Variants in METTL15 observed in about 807,000 individuals in gnomAD.
METTL15 encodes 12S rRNA N(4)-cytidine methyltransferase METTL15.
A neutral mutation model predicts 38.3 loss-of-function variants in METTL15; 34 were observed. The observed-to-expected ratio is 0.89, with a 90% CI of 0.68 to 1.18. The LOEUF is 1.18. METTL15 is among the 50% of genes most tolerant of loss of function. The probability of loss-of-function intolerance (pLI) is 0.00; values close to 1 mark genes in which losing one functional copy is unlikely to be tolerated. For missense variants in METTL15, 438 were observed against 498.4 expected, an observed-to-expected ratio of 0.88 and a Z score of 1.15; for synonymous variants, 162 against 170.9, an observed-to-expected ratio of 0.95 and a Z score of 0.41.
intron 6 of METTL15, among the ~76,000 whole-genome samples, chr11:28,512,498 G>A (rs574135497): frequency 7.9e-5 from 12 of 152,324 alleles, no homozygotes; most frequent in South Asian, 6.2e-4. Context: ...GCTAAGGCCC[G>A]GTGAGAAATC....
chr11:28,155,867 G>GT (rs1850245524), intron 3 of METTL15, among the ~76,000 whole-genome samples: 1 of 152,096 alleles, frequency 6.6e-6, no homozygotes, highest in Non-Finnish European at 1.5e-5. Context: ...TTTTTAAAAG[G>GT]TTTTTTACTA....
chr11:28,342,020 G>C (rs535917840), intron 3 of METTL15, among the ~76,000 whole-genome samples: 1 of 152,166 alleles, frequency 6.6e-6, no homozygotes, highest in African/African-American at 2.4e-5. Flanking sequence ...GAGAAAAGGG[G>C]ATTTCTTGGG....
chr11:28,201,433 T>C (rs1375393802), intron 3 of METTL15, among the ~76,000 whole-genome samples: 1 of 152,134 alleles, frequency 6.6e-6, no homozygotes, highest in Non-Finnish European at 1.5e-5. Context: ...TTTCAATTGT[T>C]TATAATAGTT....
intron 3 of METTL15, among the ~76,000 whole-genome samples, chr11:28,345,404 G>A (rs1441914004): frequency 6.6e-6 from 1 of 152,104 alleles, no homozygotes; most frequent in Non-Finnish European, 1.5e-5. Flanking sequence ...TAGCCAGGCT[G>A]GTCTTGAACT....
intron 3 of METTL15, among the ~76,000 whole-genome samples, chr11:28,189,160 A>G (rs1208759125): frequency 6.6e-6 from 1 of 151,334 alleles, no homozygotes; most frequent in Non-Finnish European, 1.5e-5. Context: ...AGAAGCCCAC[A>G]GGAAATATTA....
chr11:28,245,491 G>GA (rs918652994), intron 4 of METTL15, among the ~76,000 whole-genome samples: 3 of 150,162 alleles, frequency 2.0e-5, no homozygotes, highest in Non-Finnish European at 3.0e-5. Context: ...TAGTGATCAT[G>GA]AAAAAAAAAG....
chr11:28,280,667 CTTT>C (rs61571700), intron 4 of METTL15, among the ~76,000 whole-genome samples: 2 of 135,318 alleles, frequency 1.5e-5, no homozygotes, highest in East Asian at 2.2e-4. Flanking sequence ...GTCTCTTATG[CTTT>C]TTTTTTTTTT....
chr11:28,526,197 G>A (rs950473428), intron 6 of METTL15, among the ~76,000 whole-genome samples: 17 of 152,308 alleles, frequency 1.1e-4, no homozygotes, highest in Admixed American at 6.5e-5. Flanking sequence ...TGAGGGAGCC[G>A]GCTTCAGCCT....
chr11:28,488,415 T>C (rs994588764), intron 6 of METTL15, among the ~76,000 whole-genome samples: 35 of 152,110 alleles, frequency 2.3e-4, no homozygotes, highest in African/African-American at 8.2e-4. Context: ...ATAATAAGAG[T>C]GTTGTGCTGT....
chr11:28,140,136 G>C (rs532449676), intron 3 of METTL15, among the ~76,000 whole-genome samples: 1 of 152,196 alleles, frequency 6.6e-6, no homozygotes, highest in Non-Finnish European at 1.5e-5. Flanking sequence ...GTGGCCCTTG[G>C]GGTGGGGGTG....
chr11:28,391,345 A>C (rs1850504556), intron 5 of METTL15, among the ~76,000 whole-genome samples: 1 of 152,092 alleles, frequency 6.6e-6, no homozygotes, highest in Non-Finnish European at 1.5e-5. Flanking sequence ...TTGCCCATTC[A>C]GTATGATATT....
At chr11:28,425,108 C>T (rs1434138526) in intron 6 of METTL15, among the ~76,000 whole-genome samples, 2 of 152,288 alleles carry the variant, frequency 1.3e-5, no homozygotes, top group East Asian at 3.9e-4. Context: ...TAGTTCCTAT[C>T]AGAAGACTGA....
chr11:28,501,969 C>G (rs930136841), intron 6 of METTL15, among the ~76,000 whole-genome samples: 1 of 152,034 alleles, frequency 6.6e-6, no homozygotes, highest in African/African-American at 2.4e-5. Context: ...GGCGTGGTGG[C>G]GGGCGCCTGT....
At chr11:28,162,263 G>GTAACAAGAAAC (rs1425479176) in intron 3 of METTL15, among the ~76,000 whole-genome samples, 2 of 152,052 alleles carry the variant, frequency 1.3e-5, no homozygotes, top group Non-Finnish European at 2.9e-5. Context: ...GGAGGCAACT[G>GTAACAAGAAAC]TAACAAGAAA....
At chr11:28,237,193 G>C (rs1854031420) in intron 4 of METTL15, among the ~76,000 whole-genome samples, 1 of 152,190 alleles carries the variant, frequency 6.6e-6, no homozygotes, top group Admixed American at 6.5e-5. Flanking sequence ...ATCCTGCAGA[G>C]TGTTTTCCAA....
chr11:28,516,487 T>A (rs925270320), intron 6 of METTL15, among the ~76,000 whole-genome samples: 7 of 152,162 alleles, frequency 4.6e-5, no homozygotes, highest in Non-Finnish European at 8.8e-5. Context: ...AACTTGCCTA[T>A]CAGGTCTTTG....
At chr11:28,417,555 C>T (rs1205660644) in intron 5 of METTL15, among the ~76,000 whole-genome samples, 1 of 152,184 alleles carries the variant, frequency 6.6e-6, no homozygotes, top group Non-Finnish European at 1.5e-5. Context: ...TGTCAATGCA[C>T]ATGCTAACAT....
At chr11:28,249,673 A>G (rs1854654921) in intron 4 of METTL15, among the ~76,000 whole-genome samples, 1 of 151,936 alleles carries the variant, frequency 6.6e-6, no homozygotes, top group Non-Finnish European at 1.5e-5. Context: ...ACCCTATTAC[A>G]CAGATAATGC....
intron 3 of METTL15, among the ~76,000 whole-genome samples, chr11:28,128,801 C>A (rs1287923211): frequency 6.6e-6 from 1 of 151,956 alleles, no homozygotes; most frequent in Non-Finnish European, 1.5e-5. Context: ...TTTAATTAGT[C>A]TTAGGTGATT....
Sources: allele counts gnomAD v4.1 joint callset (sites outside exome capture counted in the v4.1 genomes callset), GRCh38; gene constraint gnomAD v4.1.1; transcripts MANE v1.5; gene names NCBI Gene and HGNC (gene_info 2026-07-23, HGNC 2026-07-21).